WDPCP: variants seen among roughly 807,000 people sequenced by gnomAD.
The protein encoded by WDPCP is WD repeat-containing and planar cell polarity effector protein fritz homolog.
WDPCP carries 71 observed loss-of-function variants against 93.1 expected under a neutral mutation model. That is an observed-to-expected ratio of 0.76 (90% confidence interval 0.63 to 0.93). The LOEUF (loss-of-function observed/expected upper bound fraction) is 0.93. Among genes scored for constraint, WDPCP ranks in the 40% least tolerant of loss-of-function variants. The pLI, the probability that WDPCP is intolerant of heterozygous loss-of-function variation, is 0.00. For missense variants in WDPCP, 844 were observed against 887.4 expected, an observed-to-expected ratio of 0.95 and a Z score of 0.62; for synonymous variants, 315 against 315.0, an observed-to-expected ratio of 1.00 and a Z score of 0.00.
intron 6 of WDPCP, chr2:63,442,505 A>G (rs547902196): frequency 1.7e-4 from 26 of 152,244 alleles, no homozygotes; most frequent in African/African-American, 5.8e-4. Context: ...TTTGAATCCT[A>G]TATCAAATAA....
intron 12 of WDPCP, among the ~76,000 whole-genome samples, chr2:63,364,268 T>G (rs1690717720): frequency 6.6e-6 from 1 of 152,188 alleles, no homozygotes; most frequent in African/African-American, 2.4e-5. Flanking sequence ...TTGAGAATAT[T>G]TGCCTGTTGC....
intron 1 of WDPCP, among the ~76,000 whole-genome samples, chr2:63,516,192 C>A (rs1702541161): frequency 6.6e-6 from 1 of 151,990 alleles, no homozygotes; most frequent in South Asian, 2.1e-4. Flanking sequence ...TTTTTTGACA[C>A]ATAATAGACA....
At chr2:63,332,904 C>T (rs993577623) in intron 12 of WDPCP, among the ~76,000 whole-genome samples, 4 of 152,078 alleles carry the variant, frequency 2.6e-5, no homozygotes, top group African/African-American at 7.2e-5. Flanking sequence ...CCACACTCGA[C>T]CTATTTTTTC....
intron 1 of WDPCP, among the ~76,000 whole-genome samples, chr2:63,560,815 T>A (rs1296300132): frequency 1.3e-5 from 2 of 152,050 alleles, no homozygotes; most frequent in Non-Finnish European, 2.9e-5. Context: ...GGGAACATCA[T>A]ACACTGGGGC....
intron 12 of WDPCP, among the ~76,000 whole-genome samples, chr2:63,319,759 A>AC (rs1686946072): frequency 6.6e-6 from 1 of 152,200 alleles, no homozygotes; most frequent in Admixed American, 6.5e-5. Flanking sequence ...ATTACAGGCC[A>AC]CTGTGCCTGG....
At chr2:63,767,844 T>C (rs1414867782) in intron 2 of WDPCP, among the ~76,000 whole-genome samples, 1 of 152,086 alleles carries the variant, frequency 6.6e-6, no homozygotes, top group Non-Finnish European at 1.5e-5. Context: ...TTTGATAGAG[T>C]TTAATTTATC....
chr2:63,327,167 T>C (rs1185136436), intron 12 of WDPCP, among the ~76,000 whole-genome samples: 2 of 152,154 alleles, frequency 1.3e-5, no homozygotes, highest in Non-Finnish European at 1.5e-5. Context: ...GGGTATTCAG[T>C]AAGTGATAAG....
At chr2:63,816,043 T>C (rs1670928715) in intron 1 of WDPCP, among the ~76,000 whole-genome samples, 2 of 152,200 alleles carry the variant, frequency 1.3e-5, no homozygotes, top group South Asian at 4.1e-4. Flanking sequence ...GGCATTATTA[T>C]GTTTTCAGTT....
At chr2:63,740,690 T>C (rs192511152) in intron 2 of WDPCP, among the ~76,000 whole-genome samples, 1 of 152,242 alleles carries the variant, frequency 6.6e-6, no homozygotes, top group East Asian at 1.9e-4. Flanking sequence ...TAACAGGCAG[T>C]TGTTATTTGT....
intron 1 of WDPCP, among the ~76,000 whole-genome samples, chr2:63,532,987 T>C (rs1304364964): frequency 1.3e-5 from 2 of 152,102 alleles, no homozygotes; most frequent in East Asian, 1.9e-4. Context: ...GAGACACATA[T>C]AGACTCAAAA....
intron 9 of WDPCP, among the ~76,000 whole-genome samples, chr2:63,404,917 A>G (rs1163792116): frequency 2.0e-5 from 3 of 152,236 alleles, no homozygotes; most frequent in Non-Finnish European, 2.9e-5. Flanking sequence ...GAATTAAACT[A>G]TAAGATTTTA....
intron 1 of WDPCP, among the ~76,000 whole-genome samples, chr2:63,532,779 T>A (rs904921015): frequency 4.6e-5 from 7 of 152,132 alleles, no homozygotes; most frequent in Non-Finnish European, 7.4e-5. Flanking sequence ...AGACCATCAA[T>A]GCTAGGAAGA....
chr2:63,459,040 G>C (rs959047886), intron 6 of WDPCP, among the ~76,000 whole-genome samples: 7 of 151,918 alleles, frequency 4.6e-5, no homozygotes, highest in African/African-American at 1.7e-4. Flanking sequence ...GAATGAAACT[G>C]GACCCCTATC....
At chr2:63,476,629 A>G (rs1224089716) in intron 6 of WDPCP, among the ~76,000 whole-genome samples, 1 of 152,124 alleles carries the variant, frequency 6.6e-6, no homozygotes, top group Non-Finnish European at 1.5e-5. Flanking sequence ...TCCATGCCTT[A>G]TATTTCTTTA....
At chr2:63,219,042 T>C (rs1449787158) in intron 14 of WDPCP, among the ~76,000 whole-genome samples, 2 of 152,236 alleles carry the variant, frequency 1.3e-5, no homozygotes, top group African/African-American at 2.4e-5. Context: ...TAGCTAATTA[T>C]GATGTTTAAA....
chr2:63,241,389 C>T (rs1353821612), intron 14 of WDPCP, among the ~76,000 whole-genome samples: 6 of 152,102 alleles, frequency 3.9e-5, no homozygotes, highest in African/African-American at 7.2e-5. Flanking sequence ...AATAATATAA[C>T]GCACCCTGTA....
intron 14 of WDPCP, among the ~76,000 whole-genome samples, chr2:63,214,169 A>C (rs1423151867): frequency 6.6e-6 from 1 of 152,220 alleles, no homozygotes; most frequent in Non-Finnish European, 1.5e-5. Context: ...GACACAACAA[A>C]AAAAGAGAAT....
At chr2:63,698,984 TAGTC>T (rs772509311) in intron 2 of WDPCP, among the ~76,000 whole-genome samples, 6 of 152,104 alleles carry the variant, frequency 3.9e-5, no homozygotes, top group Non-Finnish European at 8.8e-5. Flanking sequence ...AGCTATTACT[TAGTC>T]AGGCCCCACC....
intron 6 of WDPCP, among the ~76,000 whole-genome samples, chr2:63,469,986 T>C (rs1699600510): frequency 1.3e-5 from 2 of 152,256 alleles, no homozygotes; most frequent in Non-Finnish European, 2.9e-5. Context: ...TACAGGTATC[T>C]TGGCATACTA....
Sources: allele counts gnomAD v4.1 joint callset (sites outside exome capture counted in the v4.1 genomes callset), GRCh38; gene constraint gnomAD v4.1.1; transcripts MANE v1.5; gene names NCBI Gene and HGNC (gene_info 2026-07-23, HGNC 2026-07-21).